BMPR1B: variants seen among roughly 807,000 people sequenced by gnomAD.
The protein encoded by BMPR1B is bone morphogenetic protein receptor type 1B.
A neutral mutation model predicts 59.1 loss-of-function variants in BMPR1B; 12 were observed. That is an observed-to-expected ratio of 0.20 (90% CI 0.13 to 0.33). BMPR1B has a LOEUF of 0.33. Among genes scored for constraint, BMPR1B ranks in the 10% least tolerant of loss-of-function variants. The pLI is 1.00. For synonymous variants in BMPR1B, 237 were observed against 207.3 expected, an observed-to-expected ratio of 1.14 and a Z score of -1.23; for missense variants, 550 against 610.9, an observed-to-expected ratio of 0.90 and a Z score of 1.05.
chr4:94,931,486 T>G (rs1451193287), intron 2 of BMPR1B, among the ~76,000 whole-genome samples: 1 of 151,972 alleles, frequency 6.6e-6, no homozygotes, highest in Non-Finnish European at 1.5e-5. Context: ...CATAGGGAGC[T>G]TTGGGGGAAG....
At chr4:94,815,518 G>A (rs892724423) in intron 1 of BMPR1B, among the ~76,000 whole-genome samples, 4 of 152,086 alleles carry the variant, frequency 2.6e-5, no homozygotes, top group Non-Finnish European at 5.9e-5. Flanking sequence ...CTTTCACAAC[G>A]TGCCACATAC....
intron 8 of BMPR1B, among the ~76,000 whole-genome samples, chr4:95,126,255 A>G (rs1732895623): frequency 6.6e-6 from 1 of 152,176 alleles, no homozygotes; most frequent in Admixed American, 6.6e-5. Flanking sequence ...TATCCCCAGT[A>G]GAGTGGCTGA....
intron 1 of BMPR1B, among the ~76,000 whole-genome samples, chr4:94,837,284 C>A (rs1157899068): frequency 2.0e-5 from 3 of 149,578 alleles, no homozygotes; most frequent in African/African-American, 7.4e-5. Flanking sequence ...AGTTTTTTTC[C>A]ATTTCTGTGA....
chr4:95,045,499 G>GT (rs1402068897), intron 3 of BMPR1B, among the ~76,000 whole-genome samples: 1 of 152,094 alleles, frequency 6.6e-6, no homozygotes, highest in East Asian at 1.9e-4. Context: ...AGCTTCTCGT[G>GT]TTCTCTGCAA....
At chr4:94,817,649 A>G (rs1438834290) in intron 1 of BMPR1B, among the ~76,000 whole-genome samples, 3 of 152,082 alleles carry the variant, frequency 2.0e-5, no homozygotes, top group Admixed American at 6.6e-5. Context: ...GCCTGTGTCA[A>G]ATTGGTTGCT....
intron 1 of BMPR1B, among the ~76,000 whole-genome samples, chr4:94,842,411 A>T (rs1249415422): frequency 6.6e-6 from 1 of 152,228 alleles, no homozygotes; most frequent in African/African-American, 2.4e-5. Flanking sequence ...CATCCTAGAT[A>T]GATTTTCTAG....
In BMPR1B at chr4:95,114,700, TTTGC is replaced by T. The variant is rs1731889582; in HGVS notation, c.144-16_144-13del. 6.3e-7 allele frequency: 1 copy of T among 1,590,038 alleles called. No homozygotes were observed. Among genetic ancestry groups the T allele is most frequent in the African/African-American group, 1.3e-5 (1 of 74,220 alleles). Reference sequence around the variant, plus strand: ...CACACACACACATTCTGTTTCTCACTTTGCTTGTTTGATCTTCAGCACAGACGGA... The same window carrying T: ...CACACACACACATTCTGTTTCTCACTTTGTTTGATCTTCAGCACAGACGGA... On this transcript the variant is annotated splice_polypyrimidine_tract_variant and intron_variant, in intron 4 of 12. Transcript: ENST00000515059.
chr4:94,824,574 G>T (rs1237165557), intron 1 of BMPR1B, among the ~76,000 whole-genome samples: 2 of 152,120 alleles, frequency 1.3e-5, no homozygotes, highest in South Asian at 2.1e-4. Context: ...TTTGAATAAA[G>T]AAATTATAAA....
chr4:94,962,707 A>G (rs931423140), intron 2 of BMPR1B, among the ~76,000 whole-genome samples: 8 of 152,196 alleles, frequency 5.3e-5, no homozygotes, highest in African/African-American at 1.9e-4. Context: ...TATGTACCAC[A>G]TTTTCTTTAT....
chr4:95,091,841 T>C (rs1235704362), intron 3 of BMPR1B, among the ~76,000 whole-genome samples: 1 of 152,092 alleles, frequency 6.6e-6, no homozygotes, highest in Non-Finnish European at 1.5e-5. Context: ...AGCCGAACTC[T>C]TCTGGTAGTG....
intron 3 of BMPR1B, among the ~76,000 whole-genome samples, chr4:95,012,292 A>G (rs977848745): frequency 9.2e-5 from 14 of 152,290 alleles, no homozygotes; most frequent in South Asian, 2.1e-4. Context: ...GCAGAGTTTC[A>G]TACAAAGGTT....
intron 1 of BMPR1B, among the ~76,000 whole-genome samples, chr4:94,820,701 A>G (rs1724175596): frequency 1.3e-5 from 2 of 152,232 alleles, no homozygotes; most frequent in African/African-American, 4.8e-5. Flanking sequence ...TAACGAAGTC[A>G]GAAGTGTAGA....
At chr4:94,829,018 C>A (rs1724479828) in intron 1 of BMPR1B, among the ~76,000 whole-genome samples, 1 of 150,484 alleles carries the variant, frequency 6.6e-6, no homozygotes, top group African/African-American at 2.4e-5. Context: ...TGCATTCTTG[C>A]CAAGTAGAAA....
At chr4:94,830,174 T>C (rs1256304165) in intron 1 of BMPR1B, among the ~76,000 whole-genome samples, 1 of 152,092 alleles carries the variant, frequency 6.6e-6, no homozygotes, top group Non-Finnish European at 1.5e-5. Context: ...TAGAGATAAA[T>C]AATAAACTAT....
intron 4 of BMPR1B, among the ~76,000 whole-genome samples, chr4:95,105,119 C>T (rs1731108338): frequency 6.6e-6 from 1 of 152,078 alleles, no homozygotes; most frequent in Admixed American, 6.6e-5. Context: ...CTTATAGATA[C>T]TTTATAACAT....
chr4:94,828,969 G>A (rs1379266759), intron 1 of BMPR1B, among the ~76,000 whole-genome samples: 14 of 150,994 alleles, frequency 9.3e-5, no homozygotes. Flanking sequence ...TGCTTAGGGT[G>A]TGTGTGTGAG....
chr4:95,152,817 A>G (rs1205096863), intron 12 of BMPR1B, 44 bp downstream of exon 12: 1 of 1,601,834 alleles, frequency 6.2e-7, no homozygotes, highest in East Asian at 2.2e-5. Flanking sequence ...ACTTCTAAAT[A>G]GACTTTTCTT....
intron 1 of BMPR1B, among the ~76,000 whole-genome samples, chr4:94,778,944 A>T (rs1048076382): frequency 6.6e-6 from 1 of 152,072 alleles, no homozygotes; most frequent in East Asian, 1.9e-4. Context: ...AGTTAAATGC[A>T]TTGCAGACAT....
At position 95,154,886 on chromosome 4, in the gene BMPR1B, G is replaced by A. The variant is rs1287396190; in HGVS notation, c.*213G>A. On this transcript the variant is annotated 3_prime_UTR_variant, in exon 13 of 13. Transcript: ENST00000515059. ...ATTGATCCATGTCTGTTTGTAGGAC[G>A]GAGAAACCGCTTGGGTAACTTGTTC... is the stretch of plus-strand genomic sequence containing the variant. The A allele has an allele frequency of 1.8e-5, 11 of 596,706 alleles. No homozygotes were observed. Among genetic ancestry groups the A allele is most frequent in the South Asian group, 4.2e-5 (2 of 47,980 alleles). The allele number at this position is 596,706 out of a possible 1,614,324, so 37.0% of individuals were successfully genotyped here.
Sources: gnomAD v4.1 joint callset for allele counts (sites outside exome capture counted in the v4.1 genomes callset) on GRCh38, gnomAD v4.1.1 for gene constraint, MANE v1.5 for transcripts, NCBI Gene and HGNC (gene_info 2026-07-23, HGNC 2026-07-21) for gene names.